PDE8A: variants seen among roughly 807,000 people sequenced by gnomAD.
PDE8A encodes high affinity cAMP-specific and IBMX-insensitive 3',5'-cyclic phosphodiesterase 8A.
Under a neutral mutation model 105.0 loss-of-function variants are expected in PDE8A, and 59 were observed. The observed-to-expected ratio is 0.56, with a 90% CI of 0.46 to 0.70. PDE8A has a LOEUF of 0.70. Among genes scored for constraint, PDE8A ranks in the 30% least tolerant of loss-of-function variants. PDE8A has a pLI of 0.00. For synonymous variants in PDE8A, 355 were observed against 371.9 expected, an observed-to-expected ratio of 0.95 and a Z score of 0.52; for missense variants, 1,014 against 1,045.9, an observed-to-expected ratio of 0.97 and a Z score of 0.42.
Position 85,123,101 on chromosome 15 carries a change from G to C in PDE8A, c.1993G>C (p.Val665Leu), listed in dbSNP as rs920293341. 6.2e-7 allele frequency: 1 copy of C among 1,614,018 alleles called. No individual in the cohort carries two copies. Among genetic ancestry groups the C allele is most frequent in the Non-Finnish European group, 8.5e-7 (1 of 1,179,948 alleles). ...RTLRQGIIDM[V>L]LATEMTKHFE... ...ACTGCGCCAGGGGATTATCGACATG[G>C]TCTTAGCCACAGAAATGACAAAGCA... Residue 665 changes from valine to leucine, a missense_variant, in exon 19 of 22, where the codon GTC becomes CTC. Val to Leu is a conservative substitution (Grantham distance 32). Coordinates refer to ENST00000394553, the MANE Select transcript of PDE8A (RefSeq NM_002605.3).
At chr15:85,009,785 T>C (rs555409404) in intron 1 of PDE8A, among the ~76,000 whole-genome samples, 48 of 152,364 alleles carry the variant, frequency 3.2e-4, no homozygotes, top group Non-Finnish European at 6.3e-4. Flanking sequence ...CTTCCAGTTA[T>C]ATAGCCAGCA....
At chr15:84,983,440 A>G (rs2079752579) in intron 1 of PDE8A, among the ~76,000 whole-genome samples, 1 of 152,242 alleles carries the variant, frequency 6.6e-6, no homozygotes, top group Non-Finnish European at 1.5e-5. Context: ...TTTCTGTCTT[A>G]CATTTCTAGC....
At chr15:85,092,334 T>TG (rs2081659296) in intron 8 of PDE8A, among the ~76,000 whole-genome samples, 1 of 123,124 alleles carries the variant, frequency 8.1e-6, no homozygotes, top group African/African-American at 5.9e-5. Flanking sequence ...TGTTGTTTTT[T>TG]TTTGTTTTGT....
intron 8 of PDE8A, among the ~76,000 whole-genome samples, chr15:85,097,410 G>A (rs1037904018): frequency 3.3e-5 from 5 of 152,268 alleles, no homozygotes; most frequent in South Asian, 2.1e-4. Context: ...TTGAGGTCTC[G>A]TCGTTTGTTT....
At chr15:85,084,845 A>G (rs1346385763) in intron 6 of PDE8A, among the ~76,000 whole-genome samples, 1 of 152,202 alleles carries the variant, frequency 6.6e-6, no homozygotes, top group Non-Finnish European at 1.5e-5. Context: ...TTGTGGTCCT[A>G]AACTAAAACC....
intron 1 of PDE8A, among the ~76,000 whole-genome samples, chr15:85,048,963 G>A (rs780675476): frequency 6.6e-6 from 1 of 152,134 alleles, no homozygotes; most frequent in African/African-American, 2.4e-5. Context: ...TTAGCCAGGC[G>A]TGGTGGCTCA....
chr15:85,014,649 A>G (rs528237319), intron 1 of PDE8A, among the ~76,000 whole-genome samples: 2 of 152,262 alleles, frequency 1.3e-5, no homozygotes, highest in Non-Finnish European at 2.9e-5. Context: ...TCATATATTT[A>G]TACCCCTTTT....
At chr15:85,003,032 A>AT (rs1032276275) in intron 1 of PDE8A, among the ~76,000 whole-genome samples, 39 of 148,458 alleles carry the variant, frequency 2.6e-4, no homozygotes, top group African/African-American at 6.2e-4. Flanking sequence ...GATGTCATGA[A>AT]TTTTTTTTTT....
At chr15:85,135,593 C>T (rs1198437649) in intron 20 of PDE8A, among the ~76,000 whole-genome samples, 1 of 152,196 alleles carries the variant, frequency 6.6e-6, no homozygotes, top group Non-Finnish European at 1.5e-5. Flanking sequence ...CGCCCTGGCA[C>T]AGCAGGGATC....
At chr15:85,089,542 G>A (rs1030836366) in intron 7 of PDE8A, 126 bp downstream of exon 7, 52 of 543,876 alleles carry the variant, frequency 9.6e-5, no homozygotes, top group Non-Finnish European at 9.5e-5. Flanking sequence ...TTTTTCCTTC[G>A]AGGATTATCA....
chr15:85,072,701 C>G (rs986509847), intron 3 of PDE8A, among the ~76,000 whole-genome samples: 1 of 152,150 alleles, frequency 6.6e-6, no homozygotes, highest in Non-Finnish European at 1.5e-5. Context: ...TGGACTGTCT[C>G]CTCTGCACAT....
At chr15:85,102,787 C>T (rs1215138524) in intron 11 of PDE8A, among the ~76,000 whole-genome samples, 3 of 146,848 alleles carry the variant, frequency 2.0e-5, no homozygotes, top group Non-Finnish European at 3.0e-5. Context: ...TGTGGTGAGC[C>T]GAGATCGCGC....
At chr15:85,085,543 C>T (rs756147995) in intron 6 of PDE8A, among the ~76,000 whole-genome samples, 2 of 149,814 alleles carry the variant, frequency 1.3e-5, no homozygotes, top group African/African-American at 2.5e-5. Flanking sequence ...ATTAAAAATA[C>T]TAAAATTAGC....
At chr15:84,980,865 G>C (rs554965514), upstream of PDE8A, among the ~76,000 whole-genome samples, 2 of 152,194 alleles carry the variant, frequency 1.3e-5, no homozygotes, top group South Asian at 4.1e-4. Flanking sequence ...AGCCTGCCCG[G>C]TGCTGTAGCT....
chr15:85,096,804 CT>C (rs2081762243), intron 8 of PDE8A, among the ~76,000 whole-genome samples: 1 of 152,116 alleles, frequency 6.6e-6, no homozygotes, highest in African/African-American at 2.4e-5. Flanking sequence ...TGATATAGCC[CT>C]TTTTTGGTGC....
intron 1 of PDE8A, chr15:85,063,344 T>C (rs979187072): frequency 2.6e-5 from 4 of 152,246 alleles, no homozygotes; most frequent in African/African-American, 4.8e-5. Context: ...TCTGTTGCTG[T>C]GACGAATCAT....
At chr15:84,999,746 T>C (rs914329269) in intron 1 of PDE8A, among the ~76,000 whole-genome samples, 9 of 152,048 alleles carry the variant, frequency 5.9e-5, no homozygotes, top group African/African-American at 2.2e-4. Flanking sequence ...AGCTAATTTT[T>C]TGTATTTTTG....
chr15:85,020,213 G>A (rs945826478), intron 1 of PDE8A, among the ~76,000 whole-genome samples: 1 of 152,084 alleles, frequency 6.6e-6, no homozygotes, highest in Non-Finnish European at 1.5e-5. Flanking sequence ...TATGTGATCT[G>A]TCTGCCAAAG....
At chr15:85,080,400 C>G (rs1301413620) in intron 5 of PDE8A, among the ~76,000 whole-genome samples, 1 of 152,202 alleles carries the variant, frequency 6.6e-6, no homozygotes, top group Non-Finnish European at 1.5e-5. Flanking sequence ...CCTCCCTAAG[C>G]TGCTTGCTTT....
Sources: gnomAD v4.1 joint callset for allele counts (sites outside exome capture counted in the v4.1 genomes callset) on GRCh38, gnomAD v4.1.1 for gene constraint, MANE v1.5 for transcripts, NCBI Gene and HGNC (gene_info 2026-07-23, HGNC 2026-07-21) for gene names.